Variants in ERCC6L2 observed in about 807,000 individuals in gnomAD.
The protein encoded by ERCC6L2 is DNA excision repair protein ERCC-6-like 2.
A neutral mutation model predicts 132.0 loss-of-function variants in ERCC6L2; 77 were observed. The ratio of observed to expected loss-of-function variants is 0.58; its 90% confidence interval spans 0.49 to 0.71. The LOEUF (loss-of-function observed/expected upper bound fraction) is 0.71. ERCC6L2 is among the 30% of genes least tolerant of loss of function. The pLI, the probability that ERCC6L2 is intolerant of heterozygous loss-of-function variation, is 0.00. For missense variants in ERCC6L2, 1,542 were observed against 1,837.6 expected (o/e 0.84, Z 2.94); for synonymous variants, 583 against 632.4 (o/e 0.92, Z 1.17).
intron 6 of ERCC6L2, among the ~76,000 whole-genome samples, chr9:95,919,835 A>G (rs2132730151): frequency 6.6e-6 from 1 of 152,354 alleles, no homozygotes; most frequent in East Asian, 1.9e-4. Flanking sequence ...TCTTGGAGAA[A>G]TTCAAGAGCT....
chr9:96,005,241 A>C (rs936495820), intron 18 of ERCC6L2, among the ~76,000 whole-genome samples: 3 of 152,002 alleles, frequency 2.0e-5, no homozygotes, highest in Non-Finnish European at 4.4e-5. Flanking sequence ...TGAACCTGGG[A>C]GGCGGAGCTT....
At chr9:95,963,311 C>A (rs1009667087) in intron 13 of ERCC6L2, among the ~76,000 whole-genome samples, 1 of 151,932 alleles carries the variant, frequency 6.6e-6, no homozygotes, top group African/African-American at 2.4e-5. Flanking sequence ...TTGTCTCAGC[C>A]ATTATCTTTA....
chr9:95,948,690 C>T (rs1025656772), intron 12 of ERCC6L2, among the ~76,000 whole-genome samples: 2 of 151,450 alleles, frequency 1.3e-5, no homozygotes, highest in African/African-American at 4.9e-5. Flanking sequence ...TCAAGACACA[C>T]CCTGCTAATT....
intron 18 of ERCC6L2, among the ~76,000 whole-genome samples, chr9:96,011,730 C>T (rs1393039842): frequency 6.6e-6 from 1 of 152,030 alleles, no homozygotes; most frequent in African/African-American, 2.4e-5. Context: ...AAGTCTTGTG[C>T]GATTTCTATG....
intron 15 of ERCC6L2, among the ~76,000 whole-genome samples, chr9:95,971,274 A>G (rs902292436): frequency 2.0e-5 from 3 of 152,192 alleles, no homozygotes; most frequent in African/African-American, 7.2e-5. Flanking sequence ...AGAGAAATAT[A>G]TGAATCTCAA....
intron 12 of ERCC6L2, 108 bp from the exon 13 acceptor site, chr9:95,955,806 T>A (rs144418885): frequency 0.013 from 6,804 of 536,628 alleles, 57 homozygotes; most frequent in Middle Eastern, 0.019. Context: ...TGTTTATTTT[T>A]AAATTAATTA....
intron 12 of ERCC6L2, among the ~76,000 whole-genome samples, chr9:95,951,982 AC>A (rs2132953597): frequency 6.6e-6 from 1 of 152,028 alleles, no homozygotes; most frequent in East Asian, 1.9e-4. Flanking sequence ...ATCCTGGCCA[AC>A]ACACTGAAAC....
chr9:95,974,439 C>T (rs1328627945), intron 16 of ERCC6L2, among the ~76,000 whole-genome samples: 1 of 152,110 alleles, frequency 6.6e-6, no homozygotes, highest in Non-Finnish European at 1.5e-5. Context: ...CTCCATTGTC[C>T]TATCTGTGGA....
chr9:95,900,851 G>T (rs1174875332), intron 3 of ERCC6L2, among the ~76,000 whole-genome samples: 4 of 152,118 alleles, frequency 2.6e-5, no homozygotes, highest in Non-Finnish European at 4.4e-5. Flanking sequence ...GATCTGGAAA[G>T]AAAAACGTTA....
intron 17 of ERCC6L2, among the ~76,000 whole-genome samples, chr9:95,982,377 G>A (rs994937854): frequency 1.3e-5 from 2 of 152,116 alleles, no homozygotes; most frequent in Admixed American, 1.3e-4. Flanking sequence ...GCTACGGTGG[G>A]TTTGATTGCA....
At chr9:95,886,562 A>C (rs2132541194) in intron 2 of ERCC6L2, among the ~76,000 whole-genome samples, 1 of 152,222 alleles carries the variant, frequency 6.6e-6, no homozygotes, top group Non-Finnish European at 1.5e-5. Context: ...AATACAGTTA[A>C]TTAAAAGCCT....
In ERCC6L2 at chr9:95,938,782, C is replaced by T. The variant is rs376579434; in HGVS notation, c.1752-2672C>T. 3.4e-4 allele frequency among the ~76,000 whole-genome samples: 51 copies of T among 152,046 alleles called. 1 individual carries two copies. Among genetic ancestry groups the T allele is most frequent in the African/African-American group, 1.0e-3 (43 of 41,490 alleles). On this transcript the variant is annotated intron_variant, in intron 11 of 18. Transcript: ENST00000653738. Reference sequence around the variant, plus strand: ...TTTTCAAACTACCCTGCCAATCTTACGATTTTAAATGGTATATTTAGGCCA... The same window carrying T: ...TTTTCAAACTACCCTGCCAATCTTATGATTTTAAATGGTATATTTAGGCCA...
intron 12 of ERCC6L2, among the ~76,000 whole-genome samples, chr9:95,952,871 T>C (rs902903152): frequency 6.6e-6 from 1 of 151,814 alleles, no homozygotes; most frequent in East Asian, 1.9e-4. Context: ...CTTCAACATA[T>C]AAGGTCATTT....
chr9:96,004,872 T>C (rs1477530586), intron 18 of ERCC6L2, 171 bp downstream of exon 18: 3 of 383,262 alleles, frequency 7.8e-6, no homozygotes, highest in Non-Finnish European at 1.5e-5. Context: ...GTTAGAAGGC[T>C]AATCCCTGAA....
chr9:95,880,843 A>T, intron 1 of ERCC6L2, 26 bp from the exon 2 acceptor site: 1 of 1,565,198 alleles, frequency 6.4e-7, no homozygotes, highest in South Asian at 1.2e-5. Context: ...CTAGCTTTGG[A>T]AACTTTATTT....
At chr9:95,927,122 A>T (rs1830134935) in intron 9 of ERCC6L2, among the ~76,000 whole-genome samples, 1 of 152,120 alleles carries the variant, frequency 6.6e-6, no homozygotes, top group African/African-American at 2.4e-5. Context: ...GATCCATAAC[A>T]TTTTTATTTA....
At chr9:96,029,325 A>C (rs1486867228) in intron 19 of ERCC6L2, among the ~76,000 whole-genome samples, 1 of 133,452 alleles carries the variant, frequency 7.5e-6, no homozygotes, top group Non-Finnish European at 1.6e-5. Flanking sequence ...AAAAAAAAAC[A>C]AAAAAAAAAT....
intron 3 of ERCC6L2, among the ~76,000 whole-genome samples, chr9:95,902,477 T>A (rs971283522): frequency 4.6e-5 from 7 of 152,106 alleles, no homozygotes; most frequent in African/African-American, 1.7e-4. Context: ...CTATACACTA[T>A]TTTTTTAGTT....
intron 15 of ERCC6L2, among the ~76,000 whole-genome samples, chr9:95,971,209 A>G (rs927847916): frequency 2.0e-5 from 3 of 152,122 alleles, no homozygotes; most frequent in Non-Finnish European, 4.4e-5. Flanking sequence ...AGTCTTAACT[A>G]TCAATTTATA....
Sources: allele counts gnomAD v4.1 joint callset (sites outside exome capture counted in the v4.1 genomes callset), GRCh38; gene constraint gnomAD v4.1.1; transcripts MANE v1.5; gene names NCBI Gene and HGNC (gene_info 2026-07-23, HGNC 2026-07-21).